ASIC2: variants seen among roughly 807,000 people sequenced by gnomAD.
The protein encoded by ASIC2 is acid sensing ion channel subunit 2.
Under a neutral mutation model 57.3 loss-of-function variants are expected in ASIC2, and 25 were observed. That is an observed-to-expected ratio of 0.44 (90% CI 0.32 to 0.61). The LOEUF is 0.61. Among genes scored for constraint, ASIC2 ranks in the 20% least tolerant of loss-of-function variants. The probability of loss-of-function intolerance (pLI) is 0.06; values close to 1 mark genes in which losing one functional copy is unlikely to be tolerated. For missense variants in ASIC2, 641 were observed against 738.1 expected (o/e 0.87, Z 1.52); for synonymous variants, 319 against 307.5 (o/e 1.04, Z -0.39).
intron 1 of ASIC2, among the ~76,000 whole-genome samples, chr17:33,482,222 C>T (rs1361574438): frequency 2.0e-5 from 3 of 152,234 alleles, no homozygotes; most frequent in African/African-American, 4.8e-5. Context: ...GAGACTCAGC[C>T]TGCTGGGCCT....
chr17:34,010,399 G>C (rs576983557), intron 1 of ASIC2, among the ~76,000 whole-genome samples: 1 of 152,284 alleles, frequency 6.6e-6, no homozygotes, highest in Non-Finnish European at 1.5e-5. Flanking sequence ...CCACTGGGCT[G>C]TATCCTGGGT....
intron 1 of ASIC2, among the ~76,000 whole-genome samples, chr17:33,398,899 G>A (rs1389834075): frequency 1.3e-5 from 2 of 152,266 alleles, no homozygotes; most frequent in East Asian, 3.9e-4. Context: ...TTGTGTGCTA[G>A]GCATGCTGCA....
At chr17:34,108,324 C>A (rs1287139389) in intron 1 of ASIC2, among the ~76,000 whole-genome samples, 1 of 152,062 alleles carries the variant, frequency 6.6e-6, no homozygotes, top group Admixed American at 6.6e-5. Context: ...ATGTGGCTCT[C>A]ACAAATTGTG....
chr17:33,422,029 C>A (rs1911061742), intron 1 of ASIC2, among the ~76,000 whole-genome samples: 1 of 152,236 alleles, frequency 6.6e-6, no homozygotes, highest in Non-Finnish European at 1.5e-5. Flanking sequence ...AACTTCTATT[C>A]ATTCTTCAAA....
intron 1 of ASIC2, among the ~76,000 whole-genome samples, chr17:33,939,435 T>A (rs1181328522): frequency 6.6e-6 from 1 of 152,198 alleles, no homozygotes; most frequent in East Asian, 1.9e-4. Flanking sequence ...AGAGCTGAAG[T>A]TCAGAGAAGG....
Position 34,088,737 on chromosome 17 carries a change from A to T in ASIC2, c.555+67241T>A, listed in dbSNP as rs186760354. ...TTTGTTTACCTAAGCAAGCCTGGGCAATGGCGGGCGCCCCTCCCCAGCCTC... is the reference window on the plus strand; with the variant it reads ...TTTGTTTACCTAAGCAAGCCTGGGCTATGGCGGGCGCCCCTCCCCAGCCTC... On this transcript the variant is annotated intron_variant, in intron 1 of 9. Coordinates refer to the ASIC2 transcript ENST00000359872. 3.4e-3 allele frequency among the ~76,000 whole-genome samples: 515 copies of T among 152,316 alleles called. 2 individuals carry two copies. Among genetic ancestry groups the T allele is most frequent in the African/African-American group, 0.012 (484 of 41,570 alleles).
At chr17:33,039,167 T>C (rs564398741) in intron 3 of ASIC2, among the ~76,000 whole-genome samples, 59 of 152,310 alleles carry the variant, frequency 3.9e-4, no homozygotes, top group Non-Finnish European at 5.4e-4. Flanking sequence ...GGCTCTTCTG[T>C]TATGTCAGTC....
At chr17:33,851,962 C>A (rs147205745) in intron 1 of ASIC2, among the ~76,000 whole-genome samples, 138 of 152,346 alleles carry the variant, frequency 9.1e-4, no homozygotes, top group African/African-American at 3.2e-3. Flanking sequence ...GTGCCTGCAA[C>A]CCCCAAGGCT....
At chr17:33,734,600 C>A (rs559146913) in intron 1 of ASIC2, among the ~76,000 whole-genome samples, 1 of 152,310 alleles carries the variant, frequency 6.6e-6, no homozygotes, top group East Asian at 1.9e-4. Context: ...AAGCCCTCAC[C>A]CCCATTGTGA....
At chr17:33,316,027 G>A (rs957622901) in intron 1 of ASIC2, among the ~76,000 whole-genome samples, 3 of 152,224 alleles carry the variant, frequency 2.0e-5, no homozygotes, top group Admixed American at 6.5e-5. Context: ...GCACACAGGT[G>A]TAAAACACCG....
intron 1 of ASIC2, among the ~76,000 whole-genome samples, chr17:33,649,008 A>G (rs1021635464): frequency 1.2e-4 from 18 of 152,214 alleles, no homozygotes; most frequent in African/African-American, 4.1e-4. Flanking sequence ...TGTGGAAGTA[A>G]AGATATCCAC....
rs779793341 is a variant in ASIC2 at position 34,156,136 on chromosome 17, C to T, written c.397G>A (p.Val133Met). Residue 133 changes from valine to methionine, a missense_variant, in exon 1 of 10, where the codon GTG becomes ATG. Coordinates refer to the ASIC2 transcript ENST00000359872. This position sits in a 1 kb window ranked among gnomAD's most constrained non-coding sequence, Gnocchi z 4.4. ...GCCTTCTGCCGCAGGGCCTCCAGCACGGAGGGGTCAGCCAGATGGGGGTCC... is the reference window on the plus strand; with the variant it reads ...GCCTTCTGCCGCAGGGCCTCCAGCATGGAGGGGTCAGCCAGATGGGGGTCC... 12 of 1,613,934 alleles carry T rather than the reference C, an allele frequency of 7.4e-6. No individual in the cohort carries two copies. In the East Asian group the frequency reaches 8.9e-5, roughly 12 times the overall value.
rs71286247 is a variant in ASIC2 at position 34,096,856 on chromosome 17, C to CAAAAAAAA, written c.555+59114_555+59121dup. ...TGGGTGACAGGGTGAGACTCCATCT[C>CAAAAAAAA]AAAAAAAAAAAAAAAAAAAAAAAAA... On this transcript the variant is annotated intron_variant, in intron 1 of 9. Coordinates refer to the ASIC2 transcript ENST00000359872. 3.0e-4 allele frequency among the ~76,000 whole-genome samples: 9 copies of CAAAAAAAA among 30,114 alleles called. 1 individual carries two copies. The highest frequency in any genetic ancestry group is 1.2e-3 in the African/African-American group (8 of 6,480). The allele number at this position is 30,114 out of a possible 152,430, so 19.8% of individuals were successfully genotyped here.
chr17:33,613,544 T>G (rs1334901805), intron 1 of ASIC2, among the ~76,000 whole-genome samples: 2 of 151,850 alleles, frequency 1.3e-5, no homozygotes, highest in Non-Finnish European at 2.9e-5. Flanking sequence ...TTTTGTGTTT[T>G]TTCTCGTAGA....
At chr17:33,170,691 C>G (rs144738361) in intron 1 of ASIC2, among the ~76,000 whole-genome samples, 1 of 152,296 alleles carries the variant, frequency 6.6e-6, no homozygotes, top group Non-Finnish European at 1.5e-5. Flanking sequence ...CCCAGCAGGA[C>G]AGAGCATGAG....
intron 1 of ASIC2, among the ~76,000 whole-genome samples, chr17:33,206,987 T>C (rs575270811): frequency 6.6e-6 from 1 of 152,342 alleles, no homozygotes; most frequent in East Asian, 1.9e-4. Flanking sequence ...CCTGCCCTTT[T>C]TCTGAGGCTT....
chr17:33,297,945 C>T (rs1222697816), upstream of ASIC2, among the ~76,000 whole-genome samples: 1 of 138,272 alleles, frequency 7.2e-6, no homozygotes, highest in African/African-American at 2.8e-5. Flanking sequence ...TCTTTTTTCC[C>T]CTTTCTCTGC....
intron 1 of ASIC2, among the ~76,000 whole-genome samples, chr17:33,662,956 G>C (rs142948741): frequency 2.0e-5 from 3 of 152,282 alleles, no homozygotes; most frequent in Non-Finnish European, 4.4e-5. Flanking sequence ...GGGTAGTAGT[G>C]AAATGTAAAG....
intron 1 of ASIC2, among the ~76,000 whole-genome samples, chr17:33,145,188 C>CT (rs1904507034): frequency 6.6e-6 from 1 of 152,230 alleles, no homozygotes; most frequent in South Asian, 2.1e-4. Flanking sequence ...TCCCAGGAGA[C>CT]TGGCAGGCCT....
Sources: allele counts gnomAD v4.1 joint callset (sites outside exome capture counted in the v4.1 genomes callset), GRCh38; gene constraint gnomAD v4.1.1; non-coding constraint Gnocchi (gnomAD v3.1); transcripts MANE v1.5; gene names NCBI Gene and HGNC (gene_info 2026-07-23, HGNC 2026-07-21).